Variants in LRRC28 observed in about 807,000 individuals in gnomAD.
LRRC28 encodes the protein leucine-rich repeat-containing protein 28.
A neutral mutation model predicts 45.7 loss-of-function variants in LRRC28; 39 were observed. The ratio of observed to expected loss-of-function variants is 0.85; its 90% CI spans 0.66 to 1.12. The LOEUF is 1.12. Among genes scored for constraint, LRRC28 ranks in the 50% most tolerant of loss-of-function variants. The pLI is 0.00. For synonymous variants in LRRC28, 206 were observed against 178.8 expected (o/e 1.15, Z -1.22); for missense variants, 435 against 438.5 (o/e 0.99, Z 0.07).
rs764024208 is a variant in LRRC28 at position 99,260,378 on chromosome 15, T to C, written c.168+4253T>C. 6.6e-5 allele frequency among the ~76,000 whole-genome samples: 10 copies of C among 152,384 alleles called. No individual in the cohort carries two copies. The South Asian group carries it at 2.1e-3, about 32-fold the overall frequency. ...ATCTACTGTCCAGTAAATTGTTCTTTATAATAGCTTATGGTAATACATTTT... is the reference window on the plus strand; with the variant it reads ...ATCTACTGTCCAGTAAATTGTTCTTCATAATAGCTTATGGTAATACATTTT... On this transcript the variant is annotated intron_variant, in intron 2 of 9. Transcript: ENST00000301981.
rs1334511123 is a variant in LRRC28 at position 99,387,260 on chromosome 15, C to T, written c.*1158C>T. On this transcript the variant is annotated 3_prime_UTR_variant, in exon 10 of 10. Coordinates refer to ENST00000301981, the MANE Select transcript of LRRC28 (RefSeq NM_144598.5). ...TATTTTTAGTAGAGACGGGGTTTCA[C>T]CGTGTTAGCCGGGATGGTCTCGATC... 2.0e-5 allele frequency: 3 copies of T among 151,126 alleles called. No homozygotes were observed. Among genetic ancestry groups the T allele is most frequent in the Non-Finnish European group, 4.4e-5 (3 of 67,822 alleles). 9.4% of individuals were successfully genotyped at this position (151,126 alleles called of 1,614,324 possible).
At chr15:99,257,216 GA>G (rs2081048469) in intron 2 of LRRC28, among the ~76,000 whole-genome samples, 1 of 152,160 alleles carries the variant, frequency 6.6e-6, no homozygotes, top group South Asian at 2.1e-4. Context: ...CATATATGTT[GA>G]ATGCCTACTT....
Position 99,389,059 on chromosome 15 carries a change from C to T in LRRC28, c.*2957C>T, listed in dbSNP as rs1958110751. 6.6e-6 allele frequency: 1 copy of T among 152,100 alleles called. No homozygotes were observed. Among genetic ancestry groups the T allele is most frequent in the African/African-American group, 2.4e-5 (1 of 41,410 alleles). The allele number at this position is 152,100 out of a possible 1,614,324, so 9.4% of individuals were successfully genotyped here. A position where few individuals can be genotyped will look rare whatever the true frequency, so the allele number is the denominator to read the frequency against. ...TAAAATACATAATAATTAAATGATC[C>T]CTATTCAAAAGAACCCTGGCTTGGG... On this transcript the variant is annotated 3_prime_UTR_variant, in exon 10 of 10. Coordinates refer to ENST00000301981, the MANE Select transcript of LRRC28 (RefSeq NM_144598.5).
intron 6 of LRRC28, among the ~76,000 whole-genome samples, chr15:99,349,582 A>AT (rs1351095199): frequency 1.3e-5 from 2 of 152,124 alleles, no homozygotes; most frequent in Non-Finnish European, 2.9e-5. Flanking sequence ...AAAAAGATAA[A>AT]TTGGAAGACT....
chr15:99,344,963 A>C (rs889592905), intron 6 of LRRC28, among the ~76,000 whole-genome samples: 13 of 152,240 alleles, frequency 8.5e-5, no homozygotes, highest in African/African-American at 2.7e-4. Context: ...ATTCTCTCTT[A>C]ACTGGCCTTC....
chr15:99,351,858 T>C (rs1956890047), intron 6 of LRRC28, among the ~76,000 whole-genome samples: 1 of 152,204 alleles, frequency 6.6e-6, no homozygotes, highest in South Asian at 2.1e-4. Context: ...GAATATAACG[T>C]GGGCAAGTAG....
intron 5 of LRRC28, among the ~76,000 whole-genome samples, chr15:99,305,664 A>G (rs973811327): frequency 2.0e-5 from 3 of 152,168 alleles, no homozygotes; most frequent in Non-Finnish European, 4.4e-5. Context: ...TAAAAGCTCT[A>G]TGATGTGCAA....
intron 5 of LRRC28, among the ~76,000 whole-genome samples, chr15:99,306,580 A>C (rs1955189689): frequency 6.6e-6 from 1 of 152,214 alleles, no homozygotes; most frequent in Non-Finnish European, 1.5e-5. Flanking sequence ...TAATTTTGTT[A>C]AATTCTTTTA....
intron 2 of LRRC28, 33 bp from the exon 3 acceptor site, chr15:99,276,543 A>G (rs1303268305): frequency 1.3e-6 from 2 of 1,534,798 alleles, no homozygotes; most frequent in East Asian, 2.4e-5. Context: ...ATTTTTCAAA[A>G]ATAAAATTTA....
In LRRC28 at chr15:99,253,532, A is replaced by T. The variant is rs1303506344; in HGVS notation, c.-61+1991A>T. Among the ~76,000 whole-genome samples, 3 of 152,236 alleles carry T rather than the reference A, an allele frequency of 2.0e-5. 1 individual carries two copies. The highest frequency in any genetic ancestry group is 7.2e-5 in the African/African-American group (3 of 41,448). Reference sequence around the variant, plus strand: ...GTTTAGTAGCTTTGAGGATTGGAAAAGCCCAGAAGCTTGGTGAGAAGCCAA... The same window carrying T: ...GTTTAGTAGCTTTGAGGATTGGAAATGCCCAGAAGCTTGGTGAGAAGCCAA... On this transcript the variant is annotated intron_variant, in intron 1 of 9. Transcript: ENST00000301981.
intron 8 of LRRC28, 85 bp from the exon 9 acceptor site, chr15:99,363,016 GAACTT>G: frequency 5.1e-6 from 7 of 1,379,848 alleles, no homozygotes; most frequent in Middle Eastern, 1.9e-4. Context: ...TTAAGTAACT[GAACTT>G]ATTTGGTAAC....
At chr15:99,324,492 G>T (rs1224345631) in intron 5 of LRRC28, among the ~76,000 whole-genome samples, 1 of 152,114 alleles carries the variant, frequency 6.6e-6, no homozygotes, top group Non-Finnish European at 1.5e-5. Flanking sequence ...ACTCTCTGTG[G>T]TCACTAGCTT....
At chr15:99,305,341 G>T (rs28555226) in intron 5 of LRRC28, among the ~76,000 whole-genome samples, 16,614 of 151,976 alleles carry the variant, frequency 0.11, 1,149 homozygotes, top group African/African-American at 0.21. Context: ...GCTGAAACTT[G>T]GTTTAATTTT....
At chr15:99,257,712 GA>G in intron 2 of LRRC28, 1 of 772,246 alleles carries the variant, frequency 1.3e-6, no homozygotes, top group Non-Finnish European at 2.4e-6. Context: ...AGTTGATGTG[GA>G]AGGTACAGTA....
At chr15:99,360,573 T>A (rs1957172886) in intron 7 of LRRC28, among the ~76,000 whole-genome samples, 1 of 152,210 alleles carries the variant, frequency 6.6e-6, no homozygotes, top group African/African-American at 2.4e-5. Context: ...CTAAGCTTCA[T>A]TGCTTGTATC....
chr15:99,372,058 A>AGG (rs1957499039), intron 9 of LRRC28, among the ~76,000 whole-genome samples: 1 of 152,238 alleles, frequency 6.6e-6, no homozygotes, highest in Admixed American at 6.5e-5. Flanking sequence ...TGAGTAAGTT[A>AGG]ATATGTACAC....
intron 2 of LRRC28, chr15:99,259,680 C>G (rs1169908573): frequency 7.2e-7 from 1 of 1,390,642 alleles, no homozygotes; most frequent in Admixed American, 1.7e-5. Flanking sequence ...GAAATTAATC[C>G]CAGACATCCG....
At chr15:99,310,752 T>C (rs1248791271) in intron 5 of LRRC28, among the ~76,000 whole-genome samples, 1 of 152,172 alleles carries the variant, frequency 6.6e-6, no homozygotes, top group African/African-American at 2.4e-5. Flanking sequence ...AAGAATCATA[T>C]CCTTCCATTT....
chr15:99,363,964 A>C lies in LRRC28; in HGVS notation c.1031+699A>C, dbSNP rs558303507. Among the ~76,000 whole-genome samples, 3 of 152,342 alleles carry C rather than the reference A, an allele frequency of 2.0e-5. No homozygotes were observed. In the South Asian group the frequency reaches 6.2e-4, roughly 32 times the overall value. On this transcript the variant is annotated intron_variant, in intron 9 of 9. Transcript: ENST00000301981. Reference sequence around the variant, plus strand: ...TTTTTTAAGTAAAAAAAAGTACTATAGTACCTCATTTATCACCATCAAATG... The same window carrying C: ...TTTTTTAAGTAAAAAAAAGTACTATCGTACCTCATTTATCACCATCAAATG...
Sources: gnomAD v4.1 joint callset for allele counts (sites outside exome capture counted in the v4.1 genomes callset) on GRCh38, gnomAD v4.1.1 for gene constraint, MANE v1.5 for transcripts, NCBI Gene and HGNC (gene_info 2026-07-23, HGNC 2026-07-21) for gene names.